ADGRB3: variants seen among roughly 807,000 people sequenced by gnomAD.
ADGRB3 encodes adhesion G protein-coupled receptor B3.
In ADGRB3, 37 loss-of-function variants were observed where a neutral mutation model predicts 193.4. The observed-to-expected ratio is 0.19, with a 90% CI of 0.15 to 0.25. The LOEUF (loss-of-function observed/expected upper bound fraction) is 0.25. Ranked by LOEUF, ADGRB3 falls within the 10% of genes least tolerant of loss-of-function variation. The probability of loss-of-function intolerance (pLI) is 1.00; values close to 1 mark genes in which losing one functional copy is unlikely to be tolerated. For synonymous variants in ADGRB3, 690 were observed against 644.2 expected (o/e 1.07, Z -1.08); for missense variants, 1,637 against 1,852.9 (o/e 0.88, Z 2.14).
chr6:69,299,511 T>A (rs1767905880), intron 20 of ADGRB3, among the ~76,000 whole-genome samples: 1 of 151,902 alleles, frequency 6.6e-6, no homozygotes, highest in Non-Finnish European at 1.5e-5. Flanking sequence ...TTCTATAGTT[T>A]CGGGTATTAC....
intron 10 of ADGRB3, among the ~76,000 whole-genome samples, chr6:68,975,637 G>A (rs1768721098): frequency 6.6e-6 from 1 of 152,042 alleles, no homozygotes; most frequent in Non-Finnish European, 1.5e-5. Context: ...TTAAACATAT[G>A]CATTATGGTT....
chr6:68,874,329 C>A (rs970975863), intron 3 of ADGRB3, among the ~76,000 whole-genome samples: 2 of 152,130 alleles, frequency 1.3e-5, no homozygotes, highest in Admixed American at 1.3e-4. Context: ...CAGGTAACTC[C>A]TCAAGTATCT....
intron 17 of ADGRB3, among the ~76,000 whole-genome samples, chr6:69,081,443 C>T (rs1772383267): frequency 1.3e-5 from 2 of 151,818 alleles, no homozygotes; most frequent in Admixed American, 1.3e-4. Context: ...TGCAAAGCAA[C>T]CCTGCTCTTC....
intron 17 of ADGRB3, among the ~76,000 whole-genome samples, chr6:69,147,347 A>C (rs1263222355): frequency 6.6e-6 from 1 of 152,082 alleles, no homozygotes; most frequent in Non-Finnish European, 1.5e-5. Flanking sequence ...TTTTGCTTCC[A>C]TTATCATTTG....
chr6:69,122,254 G>C (rs1362500761), intron 17 of ADGRB3, among the ~76,000 whole-genome samples: 11 of 151,710 alleles, frequency 7.3e-5, no homozygotes, highest in South Asian at 2.1e-4. Context: ...CCGGAGACCA[G>C]CCTGGTCAAC....
intron 3 of ADGRB3, among the ~76,000 whole-genome samples, chr6:68,758,370 G>C (rs1184516952): frequency 6.6e-6 from 1 of 151,988 alleles, no homozygotes; most frequent in Non-Finnish European, 1.5e-5. Context: ...CATCAAGGTT[G>C]TCTCTAGTCC....
intron 29 of ADGRB3, among the ~76,000 whole-genome samples, chr6:69,361,907 G>A (rs11758564): frequency 0.11 from 16,245 of 151,446 alleles, 1,044 homozygotes; most frequent in Middle Eastern, 0.28. Context: ...CAGTGTCTAC[G>A]TGGCATTACA....
At chr6:68,806,278 A>T (rs1177811107) in intron 3 of ADGRB3, among the ~76,000 whole-genome samples, 1 of 152,236 alleles carries the variant, frequency 6.6e-6, no homozygotes, top group East Asian at 1.9e-4. Context: ...GATAACTTTT[A>T]TAACACTAAG....
At chr6:68,900,618 G>C (rs561061371) in intron 3 of ADGRB3, among the ~76,000 whole-genome samples, 22 of 152,126 alleles carry the variant, frequency 1.4e-4, no homozygotes, top group Non-Finnish European at 2.8e-4. Context: ...TGCCCACTGA[G>C]CTCATGAACA....
chr6:68,980,462 C>A (rs1768876448), intron 10 of ADGRB3, among the ~76,000 whole-genome samples: 1 of 151,432 alleles, frequency 6.6e-6, no homozygotes, highest in Non-Finnish European at 1.5e-5. Context: ...GTTAATGCAA[C>A]AAAACTCCTC....
chr6:69,142,736 G>A (rs1774374895), intron 17 of ADGRB3, among the ~76,000 whole-genome samples: 1 of 152,178 alleles, frequency 6.6e-6, no homozygotes, highest in South Asian at 2.1e-4. Context: ...AAAGGCAGAT[G>A]AACAGCAGTT....
chr6:68,738,437 G>A (rs1226636259), intron 3 of ADGRB3, among the ~76,000 whole-genome samples: 2 of 152,102 alleles, frequency 1.3e-5, no homozygotes, highest in Non-Finnish European at 1.5e-5. Flanking sequence ...AAAGCTAGAA[G>A]CAGGGAGATG....
chr6:69,129,027 G>A (rs796442658), intron 17 of ADGRB3, among the ~76,000 whole-genome samples: 1 of 152,122 alleles, frequency 6.6e-6, no homozygotes, highest in Non-Finnish European at 1.5e-5. Context: ...CTTAGGGTAA[G>A]TGATTTACTT....
chr6:68,912,133 G>A (rs147681765), intron 3 of ADGRB3, among the ~76,000 whole-genome samples: 4 of 152,028 alleles, frequency 2.6e-5, no homozygotes, highest in Middle Eastern at 3.4e-3. Context: ...GTACTGTTGT[G>A]AGAATTTTAT....
intron 20 of ADGRB3, among the ~76,000 whole-genome samples, chr6:69,314,439 G>A (rs2127301692): frequency 6.6e-6 from 1 of 151,602 alleles, no homozygotes; most frequent in East Asian, 2.0e-4. Flanking sequence ...AGTTTCTTCT[G>A]TTCAGAGTTA....
At chr6:69,057,377 C>G (rs1771574562) in intron 15 of ADGRB3, among the ~76,000 whole-genome samples, 1 of 151,898 alleles carries the variant, frequency 6.6e-6, no homozygotes, top group Non-Finnish European at 1.5e-5. Context: ...TCTTCCTTTC[C>G]CATTTGGATG....
chr6:69,358,986 T>C (rs1273750527), intron 28 of ADGRB3, among the ~76,000 whole-genome samples: 1 of 151,774 alleles, frequency 6.6e-6, no homozygotes, highest in Non-Finnish European at 1.5e-5. Context: ...GTGTTGGCTA[T>C]AATTATAAAT....
intron 31 of ADGRB3, among the ~76,000 whole-genome samples, chr6:69,388,457 A>G (rs1770120132): frequency 6.6e-6 from 1 of 152,130 alleles, no homozygotes; most frequent in Admixed American, 6.6e-5. Flanking sequence ...TTTGCCTTCT[A>G]TACTACTGTT....
At chr6:69,242,163 CA>C in intron 20 of ADGRB3, among the ~76,000 whole-genome samples, 1 of 151,682 alleles carries the variant, frequency 6.6e-6, no homozygotes, top group Admixed American at 6.6e-5. Context: ...AATGGTGTCT[CA>C]AAAAAATAGA....
Sources: gnomAD v4.1 joint callset for allele counts (sites outside exome capture counted in the v4.1 genomes callset) on GRCh38, gnomAD v4.1.1 for gene constraint, MANE v1.5 for transcripts, NCBI Gene and HGNC (gene_info 2026-07-23, HGNC 2026-07-21) for gene names.